CHEK2: variants seen among roughly 807,000 people sequenced by gnomAD.
The protein encoded by CHEK2 is serine/threonine-protein kinase Chk2.
In CHEK2, 71 loss-of-function variants were observed where a neutral mutation model predicts 69.1. The observed-to-expected ratio is 1.03, with a 90% CI of 0.85 to 1.25. The LOEUF is 1.25. CHEK2 is among the 50% of genes most tolerant of loss of function. The probability of loss-of-function intolerance (pLI) is 0.00; values close to 1 mark genes in which losing one functional copy is unlikely to be tolerated. For synonymous variants in CHEK2, 189 were observed against 226.9 expected (o/e 0.83, Z 1.50); for missense variants, 664 against 649.6 (o/e 1.02, Z -0.24).
intron 8 of CHEK2, 21 bp from the exon 9 acceptor site, chr22:28,699,958 A>T: frequency 6.4e-7 from 1 of 1,573,878 alleles, no homozygotes; most frequent in Non-Finnish European, 8.7e-7. Context: ...AAGGCAAGGC[A>T]AGGGGTTCAT....
chr22:28,692,019 CAAAAGGTGGCT>C (rs2052383822), intron 13 of CHEK2, among the ~76,000 whole-genome samples: 1 of 152,218 alleles, frequency 6.6e-6, no homozygotes, highest in Non-Finnish European at 1.5e-5. Flanking sequence ...ACTGCAAAAA[CAAAAGGTGGCT>C]AAAAGAGTAT....
intron 4 of CHEK2, among the ~76,000 whole-genome samples, chr22:28,724,237 C>G (rs1413123440): frequency 6.6e-6 from 1 of 152,074 alleles, no homozygotes; most frequent in African/African-American, 2.4e-5. Flanking sequence ...GAAACCCCGT[C>G]TCTACTAAAA....
At chr22:28,706,539 G>T (rs1027059757) in intron 7 of CHEK2, among the ~76,000 whole-genome samples, 23 of 152,102 alleles carry the variant, frequency 1.5e-4, no homozygotes, top group African/African-American at 5.6e-4. Context: ...AACCTTCTGG[G>T]CTCAAGCAAT....
chr22:28,707,267 T>C (rs1481532374), intron 7 of CHEK2, among the ~76,000 whole-genome samples: 5 of 152,234 alleles, frequency 3.3e-5, no homozygotes, highest in African/African-American at 9.6e-5. Context: ...TCTGTCACTC[T>C]CCAAGTGTGT....
rs1555926708 is a variant in CHEK2, at chr22:28,724,977, C to T, written c.592G>A (p.Val198Ile). The change falls in exon 4 of 15, where the codon GTT becomes ATT. Residue 198 changes from valine (V) to isoleucine (I), a missense_variant and splice_region_variant. Transcript: ENST00000404276. ...AGTAACCATAAGATAATAATATTAC[C>T]TTTATTTCTGCTTAGTGACAGTGCA... ...EIALSLSRNK[V>I]FVFFDLTVDD... 2.5e-6 allele frequency: 4 copies of T among 1,613,842 alleles called. No homozygotes were observed. Among genetic ancestry groups the T allele is most frequent in the Non-Finnish European group, 3.4e-6 (4 of 1,179,888 alleles).
In CHEK2 at chr22:28,719,353, T is replaced by C. The variant is rs753147387; in HGVS notation, c.683+42A>G. The C allele has an allele frequency of 4.7e-6, 5 of 1,065,390 alleles. No homozygotes were observed. Among genetic ancestry groups the C allele is most frequent in the Non-Finnish European group, 4.2e-6 (3 of 714,048 alleles). The allele number at this position is 1,065,390 out of a possible 1,614,324, so 66.0% of individuals were successfully genotyped here. A position where few individuals can be genotyped will look rare whatever the true frequency, so the allele number is the denominator to read the frequency against. On this transcript the variant is annotated intron_variant, in intron 5 of 14. Coordinates refer to ENST00000404276, the MANE Select transcript of CHEK2 (RefSeq NM_007194.4). ...TGAGAAACCACCAATCACAAATGTA[T>C]AGTGAAAAAATTAAGTGCATTTATA...
chr22:28,719,648 T>C (rs1450345885), intron 4 of CHEK2, among the ~76,000 whole-genome samples, 163 bp from the exon 5 acceptor site: 2 of 152,242 alleles, frequency 1.3e-5, no homozygotes, highest in African/African-American at 4.8e-5. Context: ...TAGGTATTAG[T>C]GGGCTAATAC....
intron 2 of CHEK2, among the ~76,000 whole-genome samples, chr22:28,726,764 T>G (rs565473515): frequency 6.9e-6 from 1 of 144,662 alleles, no homozygotes; most frequent in African/African-American, 2.6e-5. Flanking sequence ...TCCATGACAC[T>G]TAGCATAAAA....
intron 2 of CHEK2, among the ~76,000 whole-genome samples, chr22:28,731,450 C>T (rs1391883748): frequency 6.6e-6 from 1 of 151,750 alleles, no homozygotes; most frequent in Non-Finnish European, 1.5e-5. Context: ...AAATACAGAA[C>T]TTAGCCACGG....
intron 7 of CHEK2, among the ~76,000 whole-genome samples, chr22:28,709,427 G>C (rs5752773): frequency 0.65 from 98,657 of 151,978 alleles, 32,930 homozygotes; most frequent in East Asian, 0.84. Context: ...ATTGCTATAT[G>C]TTTTGGTCAA....
At chr22:28,690,628 CAAA>C (rs35236854) in intron 13 of CHEK2, among the ~76,000 whole-genome samples, 33 of 88,074 alleles carry the variant, frequency 3.7e-4, no homozygotes, top group African/African-American at 2.9e-4. Context: ...ACACTGTCTC[CAAA>C]AAAAAAAAAA....
chr22:28,707,868 G>A (rs2053212449), intron 7 of CHEK2, among the ~76,000 whole-genome samples: 1 of 121,530 alleles, frequency 8.2e-6, no homozygotes, highest in Non-Finnish European at 1.6e-5. Flanking sequence ...ACGGAGTCTC[G>A]CTCTGTTGCC....
intron 1 of CHEK2, among the ~76,000 whole-genome samples, chr22:28,736,754 A>C (rs2054419357): frequency 6.6e-6 from 1 of 151,252 alleles, no homozygotes; most frequent in Non-Finnish European, 1.5e-5. Context: ...AGCCTGGCCA[A>C]CATAGTGGGA....
chr22:28,714,045 TA>T (rs1468143094), intron 5 of CHEK2, among the ~76,000 whole-genome samples: 3 of 152,220 alleles, frequency 2.0e-5, no homozygotes, highest in Non-Finnish European at 4.4e-5. Flanking sequence ...AGTCACGTGA[TA>T]ATTCTATGTT....
At position 28,695,301 on chromosome 22, in the gene CHEK2, A is replaced by G. The variant is rs908703196; in HGVS notation, c.1260-59T>C. 8 of 900,404 alleles carry G rather than the reference A, an allele frequency of 8.9e-6. 1 individual carries two copies. Among genetic ancestry groups the G allele is most frequent in the Admixed American group, 1.9e-5 (1 of 52,942 alleles). The allele number at this position is 900,404 out of a possible 1,614,324, so 55.8% of individuals were successfully genotyped here. On this transcript the variant is annotated intron_variant, in intron 11 of 14. Transcript: ENST00000404276. Reference sequence around the variant, plus strand: ...TCAAGTGGCATTCTCAGTGGCATTCAGATATAAAGATTTCTTTTTCAGCAT... The same window carrying G: ...TCAAGTGGCATTCTCAGTGGCATTCGGATATAAAGATTTCTTTTTCAGCAT...
intron 2 of CHEK2, among the ~76,000 whole-genome samples, chr22:28,733,484 C>T (rs2054276521): frequency 6.6e-6 from 1 of 152,116 alleles, no homozygotes; most frequent in Admixed American, 6.6e-5. Flanking sequence ...AGGGCAACAC[C>T]CAATACTGCC....
intron 4 of CHEK2, among the ~76,000 whole-genome samples, chr22:28,720,778 C>T (rs2053747447): frequency 2.0e-5 from 3 of 152,256 alleles, no homozygotes; most frequent in African/African-American, 7.2e-5. Context: ...ATTCATAACG[C>T]TGTATGTTCC....
At chr22:28,706,901 C>T (rs555639114) in intron 7 of CHEK2, among the ~76,000 whole-genome samples, 79 of 152,018 alleles carry the variant, frequency 5.2e-4, no homozygotes, top group South Asian at 2.1e-3. Flanking sequence ...GGGCAACAGA[C>T]GGAGACTCCA....
intron 1 of CHEK2, among the ~76,000 whole-genome samples, chr22:28,735,433 T>G (rs1262749407): frequency 1.3e-5 from 2 of 151,798 alleles, no homozygotes; most frequent in Non-Finnish European, 2.9e-5. Context: ...TATACAGTCC[T>G]CAATTTAACA....
Sources: allele counts gnomAD v4.1 joint callset (sites outside exome capture counted in the v4.1 genomes callset), GRCh38; gene constraint gnomAD v4.1.1; transcripts MANE v1.5; gene names NCBI Gene and HGNC (gene_info 2026-07-23, HGNC 2026-07-21).